SERHL2: variants seen among roughly 807,000 people sequenced by gnomAD.
SERHL2 encodes the protein serine hydrolase like 2.
SERHL2 carries 29 observed loss-of-function variants against 25.5 expected under a neutral mutation model. The observed-to-expected ratio is 1.14, with a 90% confidence interval of 0.85 to 1.55. SERHL2 has a LOEUF of 1.55. Among genes scored for constraint, SERHL2 ranks in the 40% most tolerant of loss-of-function variants. The pLI is 0.00. For missense variants in SERHL2, 240 were observed against 252.3 expected (o/e 0.95, Z 0.33); for synonymous variants, 95 against 103.5 (o/e 0.92, Z 0.50).
At position 42,571,126 on chromosome 22, in the gene SERHL2, G is replaced by T. The variant is rs761119414; in HGVS notation, c.654G>T (p.Glu218Asp). The change falls in exon 10 of 12, where the codon GAG becomes GAT. Residue 218 changes from glutamate to aspartate, a missense_variant. By Grantham distance (45) the Glu-to-Asp change is conservative. Coordinates refer to ENST00000327678, the MANE Select transcript of SERHL2 (RefSeq NM_014509.5). ...LNRDQRLAWA[E>D]NSIDFISREL... ...CCATGTTTTTGTCTCTGCAGGCAGA[G>T]AACAGCATTGACTTCATCAGCAGGG... is the stretch of plus-strand genomic sequence containing the variant. The T allele has an allele frequency of 3.7e-6, 6 of 1,613,270 alleles. No individual in the cohort carries two copies. The highest frequency in any genetic ancestry group is 5.1e-6 in the Non-Finnish European group (6 of 1,179,618).
chr22:42,565,345 A>T (rs1207995069), intron 8 of SERHL2: 1 of 143,970 alleles, frequency 6.9e-6, no homozygotes, highest in Non-Finnish European at 1.5e-5. Context: ...TTTTTTTTTG[A>T]GACGGAGTCT....
intron 9 of SERHL2, among the ~76,000 whole-genome samples, chr22:42,566,917 C>T (rs998001552): frequency 3.9e-5 from 6 of 152,172 alleles, no homozygotes; most frequent in Non-Finnish European, 4.4e-5. Flanking sequence ...AGGTGCTTAC[C>T]CTCTCTGAGC....
intron 9 of SERHL2, among the ~76,000 whole-genome samples, chr22:42,568,263 T>C (rs1054907046): frequency 9.9e-5 from 15 of 151,870 alleles, no homozygotes; most frequent in Admixed American, 2.6e-4. Context: ...GCTCAAGCTA[T>C]CCTCCCGCCT....
intron 9 of SERHL2, chr22:42,569,282 C>T (rs1160326133): frequency 1.3e-5 from 2 of 151,374 alleles, no homozygotes; most frequent in African/African-American, 2.4e-5. Context: ...ATTTAGAGAC[C>T]AAGTCTTACT....
At chr22:42,571,823 C>G (rs1179927909) in intron 10 of SERHL2, 1 of 154,446 alleles carries the variant, frequency 6.5e-6, no homozygotes, top group Non-Finnish European at 1.4e-5. Context: ...CGAATTCAGA[C>G]ACAACCGTCT....
intron 8 of SERHL2, among the ~76,000 whole-genome samples, chr22:42,561,953 C>T (rs1009551920): frequency 2.0e-5 from 3 of 151,686 alleles, no homozygotes; most frequent in South Asian, 4.2e-4. Flanking sequence ...CCGGGGAATT[C>T]GATTAGGCCC....
At chr22:42,572,589 A>T in intron 11 of SERHL2, 60 bp downstream of exon 11, 1 of 1,588,356 alleles carries the variant, frequency 6.3e-7, no homozygotes, top group Non-Finnish European at 8.6e-7. Flanking sequence ...GTCCCACCTC[A>T]CCCATCTCTT....
rs565685747 is a variant in SERHL2, at chr22:42,568,821, C to A, written c.649-2300C>A. Reference sequence around the variant, plus strand: ...CTCTACCAAAAAATACAAAAATTAGCCGGGTGTGGTGGCACACACCTGTAG... The same window carrying A: ...CTCTACCAAAAAATACAAAAATTAGACGGGTGTGGTGGCACACACCTGTAG... On this transcript the variant is annotated intron_variant, in intron 9 of 11. Transcript: ENST00000327678. Among the ~76,000 whole-genome samples the A allele has an allele frequency of 2.0e-5, 3 of 151,950 alleles. No homozygotes were observed. In the East Asian group the frequency reaches 5.9e-4, roughly 30 times the overall value.
Position 42,572,482 on chromosome 22 carries a change from G to T in SERHL2, c.778G>T (p.Glu260Ter). 1.2e-6 allele frequency: 2 copies of T among 1,612,114 alleles called. No homozygotes were observed. The highest frequency in any genetic ancestry group is 1.7e-6 in the Non-Finnish European group (2 of 1,178,416). ...TTCAAGACAGAATTACTCTGAGAAG[G>T]AGTCCCTGTCGTTCATGATAGACAC... Reference protein sequence around the residue: ...FDSRQNYSEKESLSFMIDTMK... With the variant: ...FDSRQNYSEK The change falls in exon 11 of 12, where the codon GAG (glutamate) becomes TAG (stop). Residue 260 changes from glutamate (E) to a stop codon, truncating the protein, a stop_gained. Coordinates refer to ENST00000327678, the MANE Select transcript of SERHL2 (RefSeq NM_014509.5). LOFTEE classifies it low-confidence loss of function (END_TRUNC).
At chr22:42,560,366 C>T in intron 8 of SERHL2, 101 bp downstream of exon 8, 1 of 822,742 alleles carries the variant, frequency 1.2e-6, no homozygotes. Context: ...AAGCGCTTTG[C>T]AAACAGCATC....
At chr22:42,564,550 G>C (rs1404015045) in intron 8 of SERHL2, among the ~76,000 whole-genome samples, 1 of 151,534 alleles carries the variant, frequency 6.6e-6, no homozygotes, top group East Asian at 1.9e-4. Context: ...TCCTGCCTCA[G>C]TCTGCCAAGT....
intron 9 of SERHL2, among the ~76,000 whole-genome samples, chr22:42,567,520 C>G (rs1045090777): frequency 6.6e-6 from 1 of 151,056 alleles, no homozygotes; most frequent in Non-Finnish European, 1.5e-5. Flanking sequence ...AAAAATTAGC[C>G]GGGCGCGGTG....
chr22:42,561,003 A>G (rs1922615027), intron 8 of SERHL2, among the ~76,000 whole-genome samples: 1 of 151,900 alleles, frequency 6.6e-6, no homozygotes. Flanking sequence ...CTCCCGCACC[A>G]CAACTCCAGG....
chr22:42,559,577 C>A (rs984024547), intron 7 of SERHL2, among the ~76,000 whole-genome samples: 5 of 151,520 alleles, frequency 3.3e-5, no homozygotes, highest in Non-Finnish European at 2.9e-5. Context: ...TGGTGGCGGG[C>A]GCCTGAATAT....
intron 11 of SERHL2, chr22:42,573,122 C>T (rs1357711304): frequency 6.6e-6 from 1 of 151,978 alleles, no homozygotes; most frequent in Non-Finnish European, 1.5e-5. Flanking sequence ...GGTCACCTAC[C>T]CGGGAACACT....
intron 9 of SERHL2, among the ~76,000 whole-genome samples, chr22:42,566,558 G>GAA (rs147819513): frequency 0.036 from 5,177 of 142,050 alleles, 148 homozygotes; most frequent in East Asian, 0.14. Flanking sequence ...TCCATCTCAA[G>GAA]AAAAAAAAAA....
Position 42,560,170 on chromosome 22 carries a change from T to C in SERHL2, c.534-16T>C. ...ATTGGCCTCCAGGCACCCAGCATCC[T>C]TCTGTCTCCCCCCAGGTTACTGAAG... On this transcript the variant is annotated splice_polypyrimidine_tract_variant and intron_variant, in intron 7 of 11. Coordinates refer to ENST00000327678, the MANE Select transcript of SERHL2 (RefSeq NM_014509.5). 6.2e-7 allele frequency: 1 copy of C among 1,605,516 alleles called. No individual in the cohort carries two copies. Among genetic ancestry groups the C allele is most frequent in the Non-Finnish European group, 8.5e-7 (1 of 1,172,536 alleles).
Position 42,566,293 on chromosome 22 carries a change from T to C in SERHL2, c.614-11T>C, listed in dbSNP as rs764097513. 6.2e-7 allele frequency: 1 copy of C among 1,611,356 alleles called. No homozygotes were observed. The highest frequency in any genetic ancestry group is 1.7e-5 in the Admixed American group (1 of 60,006). The stretch of plus-strand genomic sequence containing the variant: ...GCATTGACGCTGCTGTCTTTGTGCT[T>C]CCGCCTCCAGGTCTGGTTCTGAACA... On this transcript the variant is annotated splice_polypyrimidine_tract_variant and intron_variant, in intron 8 of 11. Coordinates refer to ENST00000327678, the MANE Select transcript of SERHL2 (RefSeq NM_014509.5).
chr22:42,561,394 T>C (rs1922659912), intron 8 of SERHL2, among the ~76,000 whole-genome samples: 1 of 151,492 alleles, frequency 6.6e-6, no homozygotes, highest in South Asian at 2.1e-4. Flanking sequence ...CTTGGGTTTT[T>C]TGCGCTCATT....
Sources: gnomAD v4.1 joint callset for allele counts (sites outside exome capture counted in the v4.1 genomes callset) on GRCh38, gnomAD v4.1.1 for gene constraint, MANE v1.5 for transcripts, NCBI Gene and HGNC (gene_info 2026-07-23, HGNC 2026-07-21) for gene names.